Variants in VPS13B observed in about 807,000 individuals in gnomAD.
The protein encoded by VPS13B is intermembrane lipid transfer protein VPS13B.
Under a neutral mutation model 426.4 loss-of-function variants are expected in VPS13B, and 285 were observed. That is an observed-to-expected ratio of 0.67 (90% CI 0.61 to 0.74). The LOEUF (loss-of-function observed/expected upper bound fraction) is 0.74. Ranked by LOEUF, VPS13B falls within the 30% of genes least tolerant of loss-of-function variation. VPS13B has a pLI of 0.00. For synonymous variants in VPS13B, 1,676 were observed against 1,676.4 expected (o/e 1.00, Z 0.01); for missense variants, 4,537 against 4,782.6 (o/e 0.95, Z 1.51).
chr8:99,234,520 G>GT, intron 17 of VPS13B: 1 of 498,076 alleles, frequency 2.0e-6, no homozygotes, highest in South Asian at 1.6e-5. Flanking sequence ...CTTCCGCGGG[G>GT]TTGGGGTTCA....
intron 36 of VPS13B, among the ~76,000 whole-genome samples, chr8:99,703,685 T>G (rs1212729272): frequency 1.3e-5 from 2 of 152,190 alleles, no homozygotes; most frequent in Non-Finnish European, 2.9e-5. Flanking sequence ...TTTTGCCATT[T>G]GAAATATGTA....
intron 19 of VPS13B, among the ~76,000 whole-genome samples, chr8:99,350,798 GTA>G (rs1318953835): frequency 6.6e-6 from 1 of 151,370 alleles, no homozygotes; most frequent in African/African-American, 2.4e-5. Context: ...ATTATAATAT[GTA>G]TATATAATAT....
chr8:99,834,378 T>C (rs1465924016), intron 52 of VPS13B, among the ~76,000 whole-genome samples: 1 of 152,166 alleles, frequency 6.6e-6, no homozygotes, highest in East Asian at 1.9e-4. Flanking sequence ...CTCCAAATAA[T>C]ACAGCTTTGC....
At chr8:99,811,153 A>G (rs1813676560) in intron 44 of VPS13B, among the ~76,000 whole-genome samples, 2 of 152,336 alleles carry the variant, frequency 1.3e-5, no homozygotes, top group South Asian at 4.1e-4. Context: ...TGAATAGTTC[A>G]GATGACAAGA....
chr8:99,341,357 A>T (rs1021934906), intron 19 of VPS13B: 8 of 164,208 alleles, frequency 4.9e-5, no homozygotes, highest in Non-Finnish European at 2.7e-5. Context: ...TTCTATAGTT[A>T]ATATTCTTTC....
chr8:99,850,771 C>T (rs1816248074), intron 55 of VPS13B, among the ~76,000 whole-genome samples: 2 of 152,052 alleles, frequency 1.3e-5, no homozygotes, highest in Admixed American at 6.6e-5. Flanking sequence ...ACTAACAGTA[C>T]AAAAATTAGC....
chr8:99,615,080 G>A (rs1043994720), intron 33 of VPS13B, among the ~76,000 whole-genome samples: 4 of 136,856 alleles, frequency 2.9e-5, no homozygotes, highest in Non-Finnish European at 6.0e-5. Context: ...TTGCGCCATT[G>A]CACTCCAGCC....
chr8:99,153,713 AT>A (rs1811198768), intron 14 of VPS13B, among the ~76,000 whole-genome samples: 3 of 152,132 alleles, frequency 2.0e-5, no homozygotes, highest in African/African-American at 7.2e-5. Flanking sequence ...TTTTGACAAA[AT>A]TTATGTATTA....
intron 19 of VPS13B, among the ~76,000 whole-genome samples, chr8:99,338,113 C>G (rs1276884585): frequency 6.6e-6 from 1 of 152,110 alleles, no homozygotes; most frequent in Admixed American, 6.5e-5. Context: ...TATACCAAAT[C>G]TTTGAATCAG....
intron 19 of VPS13B, among the ~76,000 whole-genome samples, chr8:99,296,997 T>C (rs1369836851): frequency 6.6e-6 from 1 of 152,020 alleles, no homozygotes; most frequent in East Asian, 1.9e-4. Flanking sequence ...AGTATAAATA[T>C]TTGTGTATTT....
intron 30 of VPS13B, among the ~76,000 whole-genome samples, chr8:99,532,665 C>T (rs1387235608): frequency 2.6e-5 from 4 of 151,826 alleles, no homozygotes; most frequent in Non-Finnish European, 5.9e-5. Flanking sequence ...CCCTCAGCCA[C>T]AGGAAGAGTG....
chr8:99,430,292 A>G (rs1035123535), intron 21 of VPS13B, among the ~76,000 whole-genome samples: 1 of 152,162 alleles, frequency 6.6e-6, no homozygotes, highest in East Asian at 1.9e-4. Context: ...GCAACTAGTC[A>G]TATATCACCA....
At chr8:99,828,403 T>TTTTTTG (rs1814841225) in intron 51 of VPS13B, among the ~76,000 whole-genome samples, 3 of 36,008 alleles carry the variant, frequency 8.3e-5, no homozygotes, top group Admixed American at 3.9e-4. Context: ...CGTTTTTTTT[T>TTTTTTG]TTTTTTTTTT....
intron 39 of VPS13B, among the ~76,000 whole-genome samples, chr8:99,732,946 T>C (rs771025907): frequency 6.6e-6 from 1 of 152,224 alleles, no homozygotes; most frequent in Non-Finnish European, 1.5e-5. Context: ...TATTTGGTGG[T>C]AGAAATTTTA....
chr8:99,250,246 A>C (rs1003001622), intron 17 of VPS13B, among the ~76,000 whole-genome samples: 3 of 152,064 alleles, frequency 2.0e-5, no homozygotes, highest in African/African-American at 7.2e-5. Context: ...TGAGTTTTGA[A>C]GCCTCTTTAT....
chr8:99,481,891 C>G, intron 25 of VPS13B, 89 bp downstream of exon 25: 1 of 1,444,376 alleles, frequency 6.9e-7, no homozygotes, highest in South Asian at 1.2e-5. Flanking sequence ...GATAACCTCA[C>G]TACTGTGAAA....
At chr8:99,520,852 A>G (rs760986525) in intron 29 of VPS13B, 47 bp from the exon 30 acceptor site, 3 of 1,479,488 alleles carry the variant, frequency 2.0e-6, no homozygotes. Flanking sequence ...GCATAAAGTT[A>G]TGTACAGATC....
Position 99,876,153 on chromosome 8 carries a change from A to AGTT in VPS13B, c.*488_*490dup, listed in dbSNP as rs1323202844. ...GCCAGGCCTTACAATGGAGAGCCAGAGTTAAAACTTCAAGTTGCATCTGTT... is the reference window on the plus strand; with the variant it reads ...GCCAGGCCTTACAATGGAGAGCCAGAGTTGTTAAAACTTCAAGTTGCATCTGTT... On this transcript the variant is annotated 3_prime_UTR_variant, in exon 62 of 62. Coordinates refer to ENST00000357162, the MANE Select transcript of VPS13B (RefSeq NM_152564.5). 1.2e-5 allele frequency: 2 copies of AGTT among 170,790 alleles called. No homozygotes were observed. The highest frequency in any genetic ancestry group is 4.8e-5 in the African/African-American group (2 of 41,806). 10.6% of individuals were successfully genotyped at this position (170,790 alleles called of 1,614,324 possible).
chr8:99,144,396 G>C lies in VPS13B; in HGVS notation c.1843+1231G>C, dbSNP rs368239192. 5.9e-5 allele frequency among the ~76,000 whole-genome samples: 9 copies of C among 151,754 alleles called. No homozygotes were observed. The East Asian group carries it at 1.7e-3, about 29-fold the overall frequency. On this transcript the variant is annotated intron_variant, in intron 13 of 61. Transcript: ENST00000357162. ...TGGCTGTGGTCTCCGGGCTGAGCAG[G>C]GAGAATTGCTTGAGCCTGAATGGTT...
Sources: gnomAD v4.1 joint callset for allele counts (sites outside exome capture counted in the v4.1 genomes callset) on GRCh38, gnomAD v4.1.1 for gene constraint, MANE v1.5 for transcripts, NCBI Gene and HGNC (gene_info 2026-07-23, HGNC 2026-07-21) for gene names.